The following CDH12 variants were observed in gnomAD, a reference collection of about 807,000 sequenced individuals.
CDH12 encodes the protein cadherin 12.
A neutral mutation model predicts 74.1 loss-of-function variants in CDH12; 41 were observed. That is an observed-to-expected ratio of 0.55 (90% CI 0.43 to 0.72). The LOEUF (loss-of-function observed/expected upper bound fraction) is 0.72, where lower values mean the gene tolerates loss of function less well. CDH12 is among the 30% of genes least tolerant of loss of function. The pLI, the probability that CDH12 is intolerant of heterozygous loss-of-function variation, is 0.00. For synonymous variants in CDH12, 399 were observed against 355.0 expected (o/e 1.12, Z -1.39); for missense variants, 945 against 977.2 (o/e 0.97, Z 0.44).
At chr5:22,766,261 A>G (rs1275379502) in intron 1 of CDH12, among the ~76,000 whole-genome samples, 1 of 152,084 alleles carries the variant, frequency 6.6e-6, no homozygotes, top group Non-Finnish European at 1.5e-5. Flanking sequence ...CTACTTACAG[A>G]TATCTTAGAA....
At chr5:22,818,837 T>A (rs1226322538) in intron 1 of CDH12, among the ~76,000 whole-genome samples, 1 of 152,156 alleles carries the variant, frequency 6.6e-6, no homozygotes, top group Non-Finnish European at 1.5e-5. Flanking sequence ...AGCTAACATA[T>A]TGCTAGTTAT....
chr5:22,215,988 T>A (rs1751790202), intron 3 of CDH12, among the ~76,000 whole-genome samples: 1 of 152,128 alleles, frequency 6.6e-6, no homozygotes, highest in Non-Finnish European at 1.5e-5. Context: ...TGAAATAGGT[T>A]ACCATAAGTA....
chr5:22,712,298 T>C (rs945494612), intron 1 of CDH12, among the ~76,000 whole-genome samples: 2 of 152,114 alleles, frequency 1.3e-5, no homozygotes, highest in African/African-American at 4.8e-5. Flanking sequence ...ACACTTCTGC[T>C]CCCAAATCAG....
chr5:22,213,409 G>A (rs1440864984), intron 3 of CDH12: 1 of 151,780 alleles, frequency 6.6e-6, no homozygotes, highest in Non-Finnish European at 1.5e-5. Flanking sequence ...CCAGAGTAAT[G>A]TAGGAGAATA....
intron 3 of CDH12, among the ~76,000 whole-genome samples, chr5:22,263,877 T>G (rs1289392526): frequency 1.3e-5 from 2 of 152,058 alleles, no homozygotes; most frequent in African/African-American, 2.4e-5. Context: ...TACCCAATAG[T>G]AAACCTAGGG....
At position 22,303,565 on chromosome 5, in the gene CDH12, T is replaced by C. The variant is rs192291147; in HGVS notation, c.-332-90922A>G. Among the ~76,000 whole-genome samples, 664 of 152,184 alleles carry C rather than the reference T, an allele frequency of 4.4e-3. 9 individuals carry two copies. Among genetic ancestry groups the C allele is most frequent in the Middle Eastern group, 0.01 (3 of 294 alleles). ...AAAGATTCATTTTTAATTATTGATA[T>C]CACAATTTCTACATTTTAGTCAGCA... On this transcript the variant is annotated intron_variant, in intron 3 of 14. Transcript: ENST00000382254.
At chr5:22,155,831 G>A (rs1747989552) in intron 4 of CDH12, among the ~76,000 whole-genome samples, 1 of 152,082 alleles carries the variant, frequency 6.6e-6, no homozygotes, top group South Asian at 2.1e-4. Context: ...TTGGTTTATG[G>A]ACTAGAATTC....
intron 1 of CDH12, among the ~76,000 whole-genome samples, chr5:22,789,124 G>C (rs908904320): frequency 7.9e-5 from 12 of 151,952 alleles, no homozygotes; most frequent in Non-Finnish European, 1.3e-4. Flanking sequence ...AAAGTAGATA[G>C]TTGCTTTGTA....
At chr5:22,743,827 C>T (rs73742196) in intron 1 of CDH12, among the ~76,000 whole-genome samples, 2,547 of 151,864 alleles carry the variant, frequency 0.017, 75 homozygotes, top group African/African-American at 0.058. Flanking sequence ...CATTATTTAG[C>T]ATTAACTACA....
intron 3 of CDH12, among the ~76,000 whole-genome samples, chr5:22,323,558 A>C (rs1271180602): frequency 6.6e-6 from 1 of 152,178 alleles, no homozygotes; most frequent in African/African-American, 2.4e-5. Flanking sequence ...TTAATATCAC[A>C]CATGGAAAAT....
intron 5 of CDH12, among the ~76,000 whole-genome samples, chr5:22,018,594 C>T (rs1250461190): frequency 2.0e-5 from 3 of 152,200 alleles, no homozygotes; most frequent in Non-Finnish European, 4.4e-5. Context: ...CTTCCAATTA[C>T]ACCTTGGATA....
intron 2 of CDH12, among the ~76,000 whole-genome samples, chr5:22,450,307 C>T (rs1744993092): frequency 2.0e-5 from 3 of 151,860 alleles, no homozygotes; most frequent in South Asian, 2.1e-4. Flanking sequence ...TATATCCCCA[C>T]GTCAATAAAC....
intron 4 of CDH12, among the ~76,000 whole-genome samples, chr5:22,103,227 T>A (rs947008753): frequency 6.6e-6 from 1 of 152,210 alleles, no homozygotes; most frequent in Non-Finnish European, 1.5e-5. Context: ...TTTCTATTTT[T>A]AAAATTTATG....
chr5:22,276,243 C>T (rs890361713), intron 3 of CDH12, among the ~76,000 whole-genome samples: 2 of 152,040 alleles, frequency 1.3e-5, no homozygotes, highest in African/African-American at 2.4e-5. Context: ...GCAGTATCTT[C>T]GGACAACAAC....
chr5:21,906,726 C>T (rs1238541564), intron 6 of CDH12, among the ~76,000 whole-genome samples: 3 of 152,200 alleles, frequency 2.0e-5, no homozygotes, highest in South Asian at 2.1e-4. Context: ...CCATGTTTTT[C>T]CACCCTGGAT....
chr5:21,942,015 G>A (rs1343002015), intron 6 of CDH12, among the ~76,000 whole-genome samples: 1 of 152,152 alleles, frequency 6.6e-6, no homozygotes, highest in Admixed American at 6.5e-5. Context: ...ATCTAGAGAT[G>A]AGAATATTAA....
At chr5:21,958,832 G>A (rs1756216819) in intron 6 of CDH12, among the ~76,000 whole-genome samples, 1 of 152,260 alleles carries the variant, frequency 6.6e-6, no homozygotes, top group Middle Eastern at 3.4e-3. Flanking sequence ...TTTGAAGAAT[G>A]TCATTGGTAG....
intron 3 of CDH12, among the ~76,000 whole-genome samples, chr5:22,384,962 A>G (rs1327875020): frequency 1.3e-5 from 2 of 152,156 alleles, no homozygotes; most frequent in African/African-American, 4.8e-5. Flanking sequence ...ATTGTTTATG[A>G]TTTGTTACAA....
chr5:21,880,196 A>G (rs567858328), intron 6 of CDH12, among the ~76,000 whole-genome samples: 1 of 152,352 alleles, frequency 6.6e-6, no homozygotes, highest in South Asian at 2.1e-4. Flanking sequence ...AGTTTTGTTC[A>G]TTCCCTGAAT....
Sources: gnomAD v4.1 joint callset for allele counts (sites outside exome capture counted in the v4.1 genomes callset) on GRCh38, gnomAD v4.1.1 for gene constraint, MANE v1.5 for transcripts, NCBI Gene and HGNC (gene_info 2026-07-23, HGNC 2026-07-21) for gene names.